Variants in ACTR3B observed in about 807,000 individuals in gnomAD.
ACTR3B encodes the protein actin related protein 3B.
ACTR3B carries 8 observed loss-of-function variants against 59.0 expected under a neutral mutation model. The observed-to-expected ratio is 0.14, with a 90% CI of 0.08 to 0.24. The LOEUF is 0.24. Ranked by LOEUF, ACTR3B falls within the 10% of genes least tolerant of loss-of-function variation. The probability of loss-of-function intolerance (pLI) is 1.00; values close to 1 mark genes in which losing one functional copy is unlikely to be tolerated. For synonymous variants in ACTR3B, 148 were observed against 197.9 expected, an observed-to-expected ratio of 0.75 and a Z score of 2.12; for missense variants, 245 against 552.3, an observed-to-expected ratio of 0.44 and a Z score of 5.58.
At chr7:152,763,672 C>T (rs1470168238) in intron 1 of ACTR3B, among the ~76,000 whole-genome samples, 2 of 152,204 alleles carry the variant, frequency 1.3e-5, no homozygotes, top group African/African-American at 4.8e-5. Context: ...AATCCACCCG[C>T]CTTGGCCTCC....
In ACTR3B at chr7:152,800,595, T is replaced by A. The variant is rs200781264; in HGVS notation, c.165T>A (p.Val55=). The change falls in exon 3 of 12, where the codon GTT becomes GTA. Residue 55 remains valine, a synonymous_variant. Coordinates refer to ENST00000256001, the MANE Select transcript of ACTR3B (RefSeq NM_020445.6). ...CTCAAAGGAGAGTGTTGAGGGGAGT[T>A]GATGACCTTGACTTTTTCATAGGAG... The part of the protein sequence containing the change: ...DQAQRRVLRG[V]DDLDFFIGDE... 4 of 1,614,048 alleles carry A rather than the reference T, an allele frequency of 2.5e-6. No individual in the cohort carries two copies. The highest frequency in any genetic ancestry group is 3.4e-6 in the Non-Finnish European group (4 of 1,180,004).
intron 1 of ACTR3B, among the ~76,000 whole-genome samples, chr7:152,766,398 G>A (rs2098110705): frequency 6.6e-6 from 1 of 152,214 alleles, no homozygotes; most frequent in African/African-American, 2.4e-5. Context: ...GAATTCCAGA[G>A]TCCCAGAAGG....
At chr7:152,846,521 C>CG (rs1798307202) in intron 9 of ACTR3B, among the ~76,000 whole-genome samples, 1 of 137,184 alleles carries the variant, frequency 7.3e-6, no homozygotes, top group Non-Finnish European at 1.6e-5. Flanking sequence ...GCTCTAGTGC[C>CG]GGGCTGTAGT....
At chr7:152,770,439 A>G (rs1291302802) in intron 1 of ACTR3B, among the ~76,000 whole-genome samples, 1 of 151,662 alleles carries the variant, frequency 6.6e-6, no homozygotes, top group Non-Finnish European at 1.5e-5. Context: ...CCATCCTAAA[A>G]TATAGCAGGG....
At chr7:152,801,090 G>T (rs1213600639) in intron 3 of ACTR3B, among the ~76,000 whole-genome samples, 3 of 152,196 alleles carry the variant, frequency 2.0e-5, no homozygotes, top group South Asian at 2.1e-4. Context: ...TTTTGTTGTT[G>T]TTTTTTTAGA....
Position 152,768,843 on chromosome 7 carries a change from T to C in ACTR3B, c.44+8917T>C, listed in dbSNP as rs2098117318. 2.0e-5 allele frequency among the ~76,000 whole-genome samples: 3 copies of C among 152,006 alleles called. 1 individual carries two copies. In the South Asian group the frequency reaches 6.2e-4, roughly 32 times the overall value. ...ATGAACTACCTTATTAATTATGTTA[T>C]TTAGGGCTTCCAATTTTTTTTTTTA... On this transcript the variant is annotated intron_variant, in intron 1 of 11. Transcript: ENST00000256001.
chr7:152,807,781 C>T (rs1315188928), intron 4 of ACTR3B, among the ~76,000 whole-genome samples: 6 of 152,186 alleles, frequency 3.9e-5, no homozygotes, highest in African/African-American at 1.4e-4. Context: ...TGCGAGCTGT[C>T]TGTTCATGCC....
At chr7:152,834,004 G>T (rs1797236360) in intron 9 of ACTR3B, among the ~76,000 whole-genome samples, 1 of 151,940 alleles carries the variant, frequency 6.6e-6, no homozygotes, top group African/African-American at 2.4e-5. Context: ...GTGGTCAGAG[G>T]TTCACCGAAG....
intron 1 of ACTR3B, among the ~76,000 whole-genome samples, chr7:152,777,141 T>G (rs2098137996): frequency 6.6e-6 from 1 of 152,202 alleles, no homozygotes; most frequent in Non-Finnish European, 1.5e-5. Flanking sequence ...AATGTGACCC[T>G]TTATAATGGC....
chr7:152,780,265 C>T lies in ACTR3B; in HGVS notation c.45-2922C>T, dbSNP rs567127762. The stretch of plus-strand genomic sequence containing the variant: ...ACTGAGGAGGCTGAGGCAGGAGAAT[C>T]GCTTGAAACAGAAAGGCGGAGGTTG... On this transcript the variant is annotated intron_variant, in intron 1 of 11. Transcript: ENST00000256001. Among the ~76,000 whole-genome samples the T allele has an allele frequency of 2.2e-3, 330 of 151,050 alleles. 2 individuals carry two copies. The highest frequency in any genetic ancestry group is 3.7e-3 in the Non-Finnish European group (254 of 67,854).
At chr7:152,774,672 A>C (rs1345729391) in intron 1 of ACTR3B, among the ~76,000 whole-genome samples, 1 of 152,166 alleles carries the variant, frequency 6.6e-6, no homozygotes, top group African/African-American at 2.4e-5. Flanking sequence ...CATAGAGAAA[A>C]AAAAAGTACT....
intron 1 of ACTR3B, among the ~76,000 whole-genome samples, chr7:152,769,923 C>A (rs1372198895): frequency 6.7e-6 from 1 of 149,476 alleles, no homozygotes; most frequent in African/African-American, 2.5e-5. Flanking sequence ...TAGTAGTCAA[C>A]AAATTTATTA....
intron 6 of ACTR3B, 55 bp from the exon 7 acceptor site, chr7:152,820,244 T>C (rs1171630546): frequency 1.2e-5 from 19 of 1,576,052 alleles, no homozygotes; most frequent in Non-Finnish European, 1.6e-5. Flanking sequence ...GAGTCCAGGC[T>C]GCTCTCCACC....
chr7:152,810,729 C>CATCG (rs1795161713), intron 4 of ACTR3B: 1 of 151,958 alleles, frequency 6.6e-6, no homozygotes, highest in African/African-American at 2.4e-5. Context: ...TCGTGAAACC[C>CATCG]TGTCTCTACT....
intron 9 of ACTR3B, among the ~76,000 whole-genome samples, chr7:152,843,913 C>T (rs1447969829): frequency 1.3e-5 from 2 of 152,106 alleles, no homozygotes; most frequent in Admixed American, 1.3e-4. Context: ...CAGATGCTCC[C>T]CGCTCCTAGA....
chr7:152,784,387 G>T (rs1416941869), intron 2 of ACTR3B, among the ~76,000 whole-genome samples: 6 of 152,144 alleles, frequency 3.9e-5, no homozygotes, highest in Admixed American at 6.5e-5. Context: ...GTGAATGTGG[G>T]TATTCACATC....
intron 1 of ACTR3B, among the ~76,000 whole-genome samples, chr7:152,767,464 T>C (rs145993936): frequency 0.013 from 1,998 of 152,300 alleles, 47 homozygotes; most frequent in African/African-American, 0.046. Context: ...GGCTTTCCCA[T>C]GTATTTTCGA....
chr7:152,813,355 G>A (rs2116815203), intron 4 of ACTR3B: 1 of 150,450 alleles, frequency 6.6e-6, no homozygotes, highest in Non-Finnish European at 1.5e-5. Flanking sequence ...AATGTTCATA[G>A]TATATTGTTG....
rs1392855980 is a variant in ACTR3B, at chr7:152,759,783, C to A, written c.-100C>A. On this transcript the variant is annotated 5_prime_UTR_variant, in exon 1 of 12. Transcript: ENST00000256001. ...GCTCCCGGCAGCGGCGCTGCGGCGGCTCGCGGGAGACGCTGCGCGCGGGGC... is the reference window on the plus strand; with the variant it reads ...GCTCCCGGCAGCGGCGCTGCGGCGGATCGCGGGAGACGCTGCGCGCGGGGC... 8.2e-6 allele frequency: 8 copies of A among 977,188 alleles called. No homozygotes were observed. Among genetic ancestry groups the A allele is most frequent in the East Asian group, 5.4e-5 (1 of 18,592 alleles). 60.5% of individuals were successfully genotyped at this position (977,188 alleles called of 1,614,324 possible).
Sources: allele counts gnomAD v4.1 joint callset (sites outside exome capture counted in the v4.1 genomes callset), GRCh38; gene constraint gnomAD v4.1.1; transcripts MANE v1.5; gene names NCBI Gene and HGNC (gene_info 2026-07-23, HGNC 2026-07-21).